ALDH7A1: variants seen among roughly 807,000 people sequenced by gnomAD.
The protein encoded by ALDH7A1 is alpha-aminoadipic semialdehyde dehydrogenase.
A neutral mutation model predicts 79.9 loss-of-function variants in ALDH7A1; 63 were observed. That is an observed-to-expected ratio of 0.79 (90% CI 0.64 to 0.97). ALDH7A1 has a LOEUF of 0.97. ALDH7A1 is among the 50% of genes least tolerant of loss of function. The pLI is 0.00. For synonymous variants in ALDH7A1, 240 were observed against 231.2 expected (o/e 1.04, Z -0.34); for missense variants, 627 against 665.2 (o/e 0.94, Z 0.63).
intron 7 of ALDH7A1, among the ~76,000 whole-genome samples, chr5:126,573,564 G>A (rs1343761780): frequency 2.0e-5 from 3 of 152,094 alleles, no homozygotes; most frequent in Non-Finnish European, 4.4e-5. Flanking sequence ...CGGGCGTGGT[G>A]GCGCACACCT....
chr5:126,579,239 T>C (rs1188665111), intron 5 of ALDH7A1, among the ~76,000 whole-genome samples: 1 of 152,154 alleles, frequency 6.6e-6, no homozygotes, highest in African/African-American at 2.4e-5. Context: ...AGCCAGACCC[T>C]CTCAGCCTTC....
intron 11 of ALDH7A1, among the ~76,000 whole-genome samples, chr5:126,558,156 G>C (rs1460741124): frequency 4.8e-5 from 5 of 103,162 alleles, no homozygotes; most frequent in Admixed American, 1.5e-4. Context: ...AACAGAGCGA[G>C]ACTCCAACTC....
At chr5:126,556,232 G>T (rs1324071469) in intron 11 of ALDH7A1, among the ~76,000 whole-genome samples, 1 of 136,504 alleles carries the variant, frequency 7.3e-6, no homozygotes, top group African/African-American at 2.7e-5. Flanking sequence ...AAAATCATAA[G>T]CCATGTCTTT....
At chr5:126,554,237 G>A in intron 13 of ALDH7A1, 50 bp downstream of exon 13, 1 of 1,541,058 alleles carries the variant, frequency 6.5e-7, no homozygotes, top group Admixed American at 1.7e-5. Context: ...TGTGTCTCAG[G>A]GAAAAGAAGG....
intron 3 of ALDH7A1, among the ~76,000 whole-genome samples, chr5:126,590,094 G>A (rs1751500855): frequency 6.6e-6 from 1 of 151,260 alleles, no homozygotes; most frequent in Non-Finnish European, 1.5e-5. Flanking sequence ...TCTGGGAAGT[G>A]AGGAGCACCT....
intron 16 of ALDH7A1, among the ~76,000 whole-genome samples, chr5:126,546,648 C>T (rs545323205): frequency 1.8e-5 from 2 of 112,684 alleles, no homozygotes; most frequent in East Asian, 2.0e-4. Flanking sequence ...CAGAAAGAAA[C>T]GGTAAAAAAA....
rs753819188 is a variant in ALDH7A1, at chr5:126,559,236, T to C, written c.1008+4A>G. On this transcript the variant is annotated splice_donor_region_variant and intron_variant, in intron 11 of 17. Coordinates refer to ENST00000409134, the MANE Select transcript of ALDH7A1 (RefSeq NM_001182.5). ...GACAATCGGGCCTATGCAGATATAC[T>C]CACCAGTCGCCTCGCAGTGGTACAC... 3 of 1,613,024 alleles carry C rather than the reference T, an allele frequency of 1.9e-6. No individual in the cohort carries two copies. The highest frequency in any genetic ancestry group is 1.1e-5 in the South Asian group (1 of 91,052).
At chr5:126,573,116 CAAA>C (rs11290126) in intron 7 of ALDH7A1, among the ~76,000 whole-genome samples, 369 of 95,162 alleles carry the variant, frequency 3.9e-3, no homozygotes, top group Middle Eastern at 0.012. Context: ...CCATTTAAAG[CAAA>C]AAAAAAAAAA....
Position 126,554,432 on chromosome 5 carries a change from C to G in ALDH7A1, c.1094-39G>C, listed in dbSNP as rs776778227. ...AGGAAGGCTGGCTCATCATTTTGCC[C>G]TTTATGGCATCGTTTTATTATTAGA... On this transcript the variant is annotated intron_variant, in intron 12 of 17. Coordinates refer to ENST00000409134, the MANE Select transcript of ALDH7A1 (RefSeq NM_001182.5). The G allele has an allele frequency of 7.1e-6, 11 of 1,546,174 alleles. No homozygotes were observed. In the African/African-American group the frequency reaches 1.4e-4, roughly 19 times the overall value.
Position 126,582,834 on chromosome 5 carries a change from C to T in ALDH7A1, c.517+17G>A, listed in dbSNP as rs1371460947. 3.1e-6 allele frequency: 5 copies of T among 1,611,828 alleles called. No homozygotes were observed. Among genetic ancestry groups the T allele is most frequent in the Non-Finnish European group, 4.2e-6 (5 of 1,179,802 alleles). ...TATCAGAGTACAAAACTCAGCTTAA[C>T]TAATTTCATTGCTTACTTTCAGAAG... On this transcript the variant is annotated intron_variant, in intron 5 of 17. Coordinates refer to ENST00000409134, the MANE Select transcript of ALDH7A1 (RefSeq NM_001182.5).
rs1242513981 is a variant in ALDH7A1 at position 126,544,587 on chromosome 5, G to C, written c.*378C>G. ...GCCCCTGAATCCTTCACTTGGTCAGGAGACACCCTGTATCTACTGCAAAGA... is the reference window on the plus strand; with the variant it reads ...GCCCCTGAATCCTTCACTTGGTCAGCAGACACCCTGTATCTACTGCAAAGA... On this transcript the variant is annotated 3_prime_UTR_variant, in exon 18 of 18. Transcript: ENST00000409134. 3.5e-6 allele frequency: 1 copy of C among 286,980 alleles called. No individual in the cohort carries two copies. Among genetic ancestry groups the C allele is most frequent in the Non-Finnish European group, 6.7e-6 (1 of 148,998 alleles). 17.8% of individuals were successfully genotyped at this position (286,980 alleles called of 1,614,324 possible).
At chr5:126,587,922 A>G (rs1489033264) in intron 3 of ALDH7A1, 2 of 152,180 alleles carry the variant, frequency 1.3e-5, no homozygotes, top group Non-Finnish European at 2.9e-5. Context: ...ACTCAAAATC[A>G]AACAAGTAGG....
rs946303695 is a variant in ALDH7A1 at position 126,593,612 on chromosome 5, A to C, written c.193-208T>G. The C allele has an allele frequency of 1.2e-5, 8 of 692,836 alleles. No individual in the cohort carries two copies. In the African/African-American group the frequency reaches 1.4e-4, roughly 12 times the overall value. 42.9% of individuals were successfully genotyped at this position (692,836 alleles called of 1,614,324 possible). On this transcript the variant is annotated intron_variant, in intron 1 of 17. Coordinates refer to ENST00000409134, the MANE Select transcript of ALDH7A1 (RefSeq NM_001182.5). ...TAAACATTAGAAACTACCTTTCTGC[A>C]AAACTCGCCTCTGACATCTCAATAT...
chr5:126,545,068 G>T (rs1472346104), intron 17 of ALDH7A1, 49 bp from the exon 18 acceptor site: 1 of 1,345,676 alleles, frequency 7.4e-7, no homozygotes. Context: ...CATAACAGAA[G>T]ATTTTCATGC....
At chr5:126,585,188 C>T (rs1751319406) in intron 3 of ALDH7A1, among the ~76,000 whole-genome samples, 1 of 152,082 alleles carries the variant, frequency 6.6e-6, no homozygotes, top group South Asian at 2.1e-4. Flanking sequence ...ATCCCAGCTA[C>T]TTGGGAGGCT....
Position 126,573,282 on chromosome 5 carries a change from CA to C in ALDH7A1, c.695+2137del, listed in dbSNP as rs914715470. Among the ~76,000 whole-genome samples the C allele has an allele frequency of 5.6e-4, 85 of 150,634 alleles. 1 individual carries two copies. The highest frequency in any genetic ancestry group is 1.9e-3 in the African/African-American group (78 of 40,098). On this transcript the variant is annotated intron_variant, in intron 7 of 17. Transcript: ENST00000409134. Reference sequence around the variant, plus strand: ...TTGTTTTTTAGGTTTATTTTTAGGCCAGGGGCAGTGGCTCATGCCTGTAATC... The same window carrying C: ...TTGTTTTTTAGGTTTATTTTTAGGCCGGGGCAGTGGCTCATGCCTGTAATC...
intron 9 of ALDH7A1, 79 bp downstream of exon 9, chr5:126,568,180 G>A: frequency 7.1e-7 from 1 of 1,400,112 alleles, no homozygotes; most frequent in Non-Finnish European, 1.0e-6. Flanking sequence ...AAGGTTGAGG[G>A]GAAAACAAAA....
intron 9 of ALDH7A1, among the ~76,000 whole-genome samples, chr5:126,563,815 T>G (rs187825880): frequency 6.6e-6 from 1 of 151,788 alleles, no homozygotes; most frequent in Non-Finnish European, 1.5e-5. Context: ...CTTTCTTTCT[T>G]TTTTCAAGAG....
intron 5 of ALDH7A1, among the ~76,000 whole-genome samples, chr5:126,579,654 T>TAAAA (rs34674137): frequency 6.2e-4 from 93 of 149,390 alleles, no homozygotes; most frequent in African/African-American, 2.2e-3. Context: ...TAAACTGCTT[T>TAAAA]AAAAAAAAAA....
Sources: allele counts gnomAD v4.1 joint callset (sites outside exome capture counted in the v4.1 genomes callset), GRCh38; gene constraint gnomAD v4.1.1; transcripts MANE v1.5; gene names NCBI Gene and HGNC (gene_info 2026-07-23, HGNC 2026-07-21).